FAM161A: variants seen among roughly 807,000 people sequenced by gnomAD.
FAM161A encodes the protein FAM161 centrosomal protein A.
In FAM161A, 57 loss-of-function variants were observed where a neutral mutation model predicts 70.9. That is an observed-to-expected ratio of 0.80 (90% CI 0.65 to 1.00). The LOEUF is 1.00. Ranked by LOEUF, FAM161A falls within the 50% of genes least tolerant of loss-of-function variation. The pLI, the probability that FAM161A is intolerant of heterozygous loss-of-function variation, is 0.00. For synonymous variants in FAM161A, 299 were observed against 295.7 expected, an observed-to-expected ratio of 1.01 and a Z score of -0.12; for missense variants, 880 against 836.0, an observed-to-expected ratio of 1.05 and a Z score of -0.65.
At chr2:61,811,730 T>C in the FAM161A span, among the ~76,000 whole-genome samples, 2 of 152,142 alleles carry the variant, frequency 1.3e-5, no homozygotes, top group Non-Finnish European at 2.9e-5. Flanking sequence ...AGTCTTGAAC[T>C]CTTGGGCTCA....
rs1168954164 is a variant in FAM161A, at chr2:61,839,929, G to T, written c.1075C>A (p.Pro359Thr). The change falls in exon 3 of 7, where the codon CCC (proline) becomes ACC (threonine). Residue 359 changes from proline to threonine, a missense_variant. Physicochemically the swap from Pro to Thr is conservative, Grantham distance 38. Coordinates refer to ENST00000404929, the MANE Select transcript of FAM161A (RefSeq NM_001201543.2). ...GAACCATAAGTAGATCGAGGAATGG[G>T]TCTGGCTTTAAATCGATTTGTTTTC... is the stretch of plus-strand genomic sequence containing the variant. ...KKKTNRFKARPIPRSTYGSTT... is the reference protein window; with the variant it reads ...KKKTNRFKARTIPRSTYGSTT... The T allele has an allele frequency of 6.2e-7, 1 of 1,614,046 alleles. No homozygotes were observed. Among genetic ancestry groups the T allele is most frequent in the African/African-American group, 1.3e-5 (1 of 74,912 alleles).
the FAM161A span, among the ~76,000 whole-genome samples, chr2:61,804,816 A>AAGAAAGAG: frequency 6.9e-6 from 1 of 144,260 alleles, no homozygotes; most frequent in Non-Finnish European, 1.5e-5. Context: ...GAAAGAAAGA[A>AAGAAAGAG]AGAGAAAGAG....
downstream of FAM161A, among the ~76,000 whole-genome samples, chr2:61,821,055 C>CT (rs557835002): frequency 1.2e-3 from 165 of 143,314 alleles, no homozygotes; most frequent in East Asian, 2.4e-3. Flanking sequence ...CTTTTTTTTT[C>CT]TTTTTTTTTT....
chr2:61,842,302 T>C lies in FAM161A; in HGVS notation c.242A>G (p.Asp81Gly), dbSNP rs746511082. The change falls in exon 2 of 7, where the codon GAC becomes GGC. Residue 81 changes from aspartate (D) to glycine (G), a missense_variant. Physicochemically the swap from Asp to Gly is moderately conservative, Grantham distance 94 (BLOSUM62 -1). Transcript: ENST00000404929. ...VDEHAPISYE[D>G]FVNFPDIHHS... ...GTGAATATCAGGAAAGTTCACAAAG[T>C]CCTCATAGCTTATCGGTGCATGTTC... The C allele has an allele frequency of 3.1e-6, 5 of 1,605,532 alleles. No homozygotes were observed.
At chr2:61,816,660 G>T in the FAM161A span, among the ~76,000 whole-genome samples, 9 of 151,838 alleles carry the variant, frequency 5.9e-5, no homozygotes, top group Admixed American at 5.3e-4. Context: ...GCGGGGCGGG[G>T]GGGTCTTGCT....
chr2:61,816,668 G>A, the FAM161A span, among the ~76,000 whole-genome samples: 11 of 151,946 alleles, frequency 7.2e-5, no homozygotes, highest in Admixed American at 5.9e-4. Context: ...GGGGGGTCTT[G>A]CTATGTTGCC....
At chr2:61,815,349 G>A in the FAM161A span, among the ~76,000 whole-genome samples, 8 of 152,144 alleles carry the variant, frequency 5.3e-5, no homozygotes, top group East Asian at 7.7e-4. Context: ...TGGCGTGCTT[G>A]GAGAGCAGGA....
At chr2:61,806,670 C>T in the FAM161A span, among the ~76,000 whole-genome samples, 14,904 of 111,588 alleles carry the variant, frequency 0.13, 919 homozygotes, top group Middle Eastern at 0.27. Context: ...AGCAATTTTG[C>T]TTTCCACGTC....
chr2:61,845,733 T>G (rs963411457), intron 1 of FAM161A, among the ~76,000 whole-genome samples: 1 of 151,814 alleles, frequency 6.6e-6, no homozygotes, highest in African/African-American at 2.4e-5. Context: ...AGGTTGAGGC[T>G]GCAGTGAGCC....
the FAM161A span, among the ~76,000 whole-genome samples, chr2:61,809,194 C>G: frequency 1.3e-5 from 2 of 152,120 alleles, no homozygotes; most frequent in Admixed American, 1.3e-4. Flanking sequence ...TTGGAACACT[C>G]TCTCCTTGGC....
the FAM161A span, among the ~76,000 whole-genome samples, chr2:61,817,245 C>G: frequency 6.6e-6 from 1 of 152,078 alleles, no homozygotes; most frequent in African/African-American, 2.4e-5. Context: ...TAGCAGCTTT[C>G]CAAAACCAGT....
chr2:61,803,315 A>G, the FAM161A span: 3 of 657,410 alleles, frequency 4.6e-6, no homozygotes, highest in Non-Finnish European at 5.7e-6. Context: ...TATGTAAAGT[A>G]AAATGAACCC....
the FAM161A span, among the ~76,000 whole-genome samples, chr2:61,804,816 A>AAGAAAGAAAGAAAG: frequency 6.9e-6 from 1 of 144,260 alleles, no homozygotes; most frequent in East Asian, 2.0e-4. Flanking sequence ...GAAAGAAAGA[A>AAGAAAGAAAGAAAG]AGAGAAAGAG....
chr2:61,817,856 C>T, the FAM161A span, among the ~76,000 whole-genome samples: 11 of 152,114 alleles, frequency 7.2e-5, no homozygotes, highest in African/African-American at 2.6e-4. Context: ...GTCCCAGCTA[C>T]TCAGAAGGCT....
chr2:61,832,705 T>A (rs1672627261), intron 5 of FAM161A, among the ~76,000 whole-genome samples: 1 of 152,176 alleles, frequency 6.6e-6, no homozygotes, highest in African/African-American at 2.4e-5. Flanking sequence ...GGGTGACCCC[T>A]ATCGTGAAGT....
At chr2:61,803,741 G>C in the FAM161A span, among the ~76,000 whole-genome samples, 1 of 152,138 alleles carries the variant, frequency 6.6e-6, no homozygotes, top group Non-Finnish European at 1.5e-5. Context: ...GTGAACTCGG[G>C]ACATGGAGGT....
the FAM161A span, among the ~76,000 whole-genome samples, chr2:61,804,771 A>AAAGAAAG: frequency 2.4e-5 from 3 of 125,450 alleles, no homozygotes; most frequent in East Asian, 6.4e-4. Context: ...AAAGAAAGAG[A>AAAGAAAG]AAGAAAGAAA....
At chr2:61,835,692 T>A (rs1438760080) in intron 5 of FAM161A, 2 of 222,352 alleles carry the variant, frequency 9.0e-6, no homozygotes, top group Non-Finnish European at 1.8e-5. Flanking sequence ...TCAAAAAGAT[T>A]CAATGTTCAG....
the FAM161A span, among the ~76,000 whole-genome samples, chr2:61,816,671 A>C: frequency 6.6e-6 from 1 of 151,922 alleles, no homozygotes; most frequent in South Asian, 2.1e-4. Context: ...GGGTCTTGCT[A>C]TGTTGCCCAG....
Sources: gnomAD v4.1 joint callset for allele counts (sites outside exome capture counted in the v4.1 genomes callset) on GRCh38, gnomAD v4.1.1 for gene constraint, MANE v1.5 for transcripts, NCBI Gene and HGNC (gene_info 2026-07-23, HGNC 2026-07-21) for gene names.